Variants in FAT1 observed in about 807,000 individuals in gnomAD.
FAT1 encodes FAT atypical cadherin 1.
FAT1 carries 171 observed loss-of-function variants against 329.8 expected under a neutral mutation model. That is an observed-to-expected ratio of 0.52 (90% CI 0.46 to 0.59). The LOEUF (loss-of-function observed/expected upper bound fraction) is 0.59, where lower values mean the gene tolerates loss of function less well. Among genes scored for constraint, FAT1 ranks in the 20% least tolerant of loss-of-function variants. The pLI is 0.00. For synonymous variants in FAT1, 2,233 were observed against 2,228.6 expected, an observed-to-expected ratio of 1.00 and a Z score of -0.06; for missense variants, 5,672 against 5,774.4, an observed-to-expected ratio of 0.98 and a Z score of 0.57.
rs1740824270 is a variant in FAT1, at chr4:186,636,503, A to G, written c.3972+82T>C. On this transcript the variant is annotated intron_variant, in intron 5 of 26. Coordinates refer to ENST00000441802, the MANE Select transcript of FAT1 (RefSeq NM_005245.4). ...CACTTCAGCCGTTTACAAAATAGAA[A>G]TAAAGTTACTAAAGAAAAAATACAA... The G allele has an allele frequency of 2.1e-6, 3 of 1,395,698 alleles. No individual in the cohort carries two copies. The Admixed American group carries it at 6.8e-5, about 32-fold the overall frequency. The allele number at this position is 1,395,698 out of a possible 1,614,324, so 86.5% of individuals were successfully genotyped here. A position where few individuals can be genotyped will look rare whatever the true frequency, so the allele number is the denominator to read the frequency against.
intron 1 of FAT1, among the ~76,000 whole-genome samples, chr4:186,722,941 C>T (rs897473719): frequency 3.3e-5 from 5 of 152,036 alleles, no homozygotes; most frequent in African/African-American, 1.2e-4. Flanking sequence ...AGTTTACTTT[C>T]CTAACTCATA....
chr4:186,590,309 C>T (rs1006899947), intron 26 of FAT1: 10 of 1,155,804 alleles, frequency 8.7e-6, no homozygotes, highest in Non-Finnish European at 1.2e-5. Flanking sequence ...AGCACTGGGG[C>T]AAGGCTTGAC....
intron 1 of FAT1, among the ~76,000 whole-genome samples, chr4:186,721,037 C>G (rs1433260160): frequency 2.0e-5 from 3 of 152,168 alleles, no homozygotes; most frequent in Non-Finnish European, 4.4e-5. Context: ...TAGATAATGC[C>G]AGATCAGTGT....
At position 186,708,302 on chromosome 4, in the gene FAT1, G is replaced by A. The variant is rs780796862; in HGVS notation, c.1526C>T (p.Pro509Leu). The change falls in exon 2 of 27, where the codon CCG becomes CTG. Residue 509 changes from proline (P) to leucine (L), a missense_variant. Pro to Leu is a moderately conservative substitution (Grantham distance 98). Transcript: ENST00000441802. ...TYSIANLNHV[P>L]FAIDHFTGAV... ...ACCAGTGAAATGGTCAATCGCAAAC[G>A]GCACATGATTTAAATTTGCGATACT... 2.3e-5 allele frequency: 37 copies of A among 1,613,802 alleles called. No homozygotes were observed. Among genetic ancestry groups the A allele is most frequent in the African/African-American group, 5.3e-5 (4 of 74,888 alleles).
Position 186,609,711 on chromosome 4 carries a change from C to A in FAT1, c.10068+90G>T, listed in dbSNP as rs1014571996. On this transcript the variant is annotated intron_variant, in intron 15 of 26. Coordinates refer to ENST00000441802, the MANE Select transcript of FAT1 (RefSeq NM_005245.4). ...AAATCTCCAAAATATTTACAAAGGC[C>A]GCTACAAAAACTAGATTGATTTTAC... is the stretch of plus-strand genomic sequence containing the variant. The A allele has an allele frequency of 3.5e-6, 3 of 853,112 alleles. No individual in the cohort carries two copies. In the African/African-American group the frequency reaches 5.1e-5, roughly 14 times the overall value. 52.8% of individuals were successfully genotyped at this position (853,112 alleles called of 1,614,324 possible).
intron 7 of FAT1, 126 bp downstream of exon 7, chr4:186,633,558 G>T: frequency 1.1e-6 from 1 of 917,294 alleles, no homozygotes; most frequent in Non-Finnish European, 1.7e-6. Flanking sequence ...TAGTGTGCAT[G>T]TGTGTAAACT....
At chr4:186,608,071 T>C (rs1247354406) in intron 16 of FAT1, among the ~76,000 whole-genome samples, 1 of 152,214 alleles carries the variant, frequency 6.6e-6, no homozygotes, top group African/African-American at 2.4e-5. Flanking sequence ...CCTCATAACT[T>C]TTCTTTAATG....
rs2126514012 is a variant in FAT1, at chr4:186,620,270, C to T, written c.6316G>A (p.Val2106Ile). ...VGHVIRYVTAVDRDSGRNGEV... is the reference protein window; with the variant it reads ...VGHVIRYVTAIDRDSGRNGEV... ...CCGTTTCTGCCACTGTCTCTGTCTA[C>T]AGCAGTGACATAGCGAATGACATGG... The change falls in exon 10 of 27, where the codon GTA becomes ATA. Residue 2106 changes from valine to isoleucine, a missense_variant. Coordinates refer to ENST00000441802, the MANE Select transcript of FAT1 (RefSeq NM_005245.4). 1 of 1,614,010 alleles carries T rather than the reference C, an allele frequency of 6.2e-7. No homozygotes were observed. Among genetic ancestry groups the T allele is most frequent in the Non-Finnish European group, 8.5e-7 (1 of 1,179,894 alleles).
chr4:186,604,698 G>A, intron 17 of FAT1, 124 bp from the exon 18 acceptor site: 2 of 599,080 alleles, frequency 3.3e-6, no homozygotes, highest in Non-Finnish European at 5.5e-6. Flanking sequence ...TGCTCTATCT[G>A]AAAGGAAGAG....
rs745311419 is a variant in FAT1 at position 186,596,981 on chromosome 4, C to A, written c.12559G>T (p.Val4187Leu). Reference sequence around the variant, plus strand: ...AGTAAAAATATCCCTGCAACAAACACAACGATTCCAATTCCTTCCGCCAAC... The same window carrying A: ...AGTAAAAATATCCCTGCAACAAACAAAACGATTCCAATTCCTTCCGCCAAC... ...IGLAEGIGIV[V>L]FVAGIFLLVV... Residue 4187 changes from valine to leucine, a missense_variant, in exon 25 of 27, where the codon GTG becomes TTG. Physicochemically the swap from Val to Leu is conservative, Grantham distance 32. This residue lies in a region of FAT1 where 1,706 missense variants were observed against 1,859.1 expected (regional missense o/e 0.92). Coordinates refer to ENST00000441802, the MANE Select transcript of FAT1 (RefSeq NM_005245.4). This position sits in a 1 kb window ranked among gnomAD's most constrained non-coding sequence, Gnocchi z 4.7. The A allele has an allele frequency of 3.7e-6, 6 of 1,613,856 alleles. No homozygotes were observed. The Admixed American group carries it at 1.0e-4, about 27-fold the overall frequency.
intron 3 of FAT1, among the ~76,000 whole-genome samples, chr4:186,656,679 C>G (rs327073): frequency 0.31 from 46,584 of 152,000 alleles, 8,525 homozygotes; most frequent in African/African-American, 0.5. Context: ...GGGTACAACA[C>G]AACAGCACAA....
chr4:186,714,541 T>G (rs1007484290), intron 1 of FAT1, among the ~76,000 whole-genome samples: 2 of 151,692 alleles, frequency 1.3e-5, no homozygotes, highest in African/African-American at 4.8e-5. Context: ...TGAAAGACGG[T>G]ATTTAAAACC....
In FAT1 at chr4:186,628,196, C is replaced by A; in HGVS notation, c.4768G>T (p.Asp1590Tyr). The A allele has an allele frequency of 1.2e-6, 2 of 1,613,926 alleles. No homozygotes were observed. The highest frequency in any genetic ancestry group is 1.7e-6 in the Non-Finnish European group (2 of 1,179,856). ...VVLQVTALDKDKGKNAEVLYS... is the reference protein window; with the variant it reads ...VVLQVTALDKYKGKNAEVLYS... ...AGCACTTCAGCATTTTTCCCTTTGTCCTTGTCCAGAGCCGTCACCTGCAAC... is the reference window on the plus strand; with the variant it reads ...AGCACTTCAGCATTTTTCCCTTTGTACTTGTCCAGAGCCGTCACCTGCAAC... The change falls in exon 9 of 27, where the codon GAC becomes TAC. Residue 1590 changes from aspartate (D) to tyrosine (Y), a missense_variant. This residue lies in a region of FAT1 where 3,966 missense variants were observed against 3,915.2 expected (regional missense o/e 1.01). Coordinates refer to ENST00000441802, the MANE Select transcript of FAT1 (RefSeq NM_005245.4).
At position 186,601,444 on chromosome 4, in the gene FAT1, G is replaced by A. The variant is rs1298809577; in HGVS notation, c.11483-18C>T. The A allele has an allele frequency of 1.9e-6, 3 of 1,592,278 alleles. No individual in the cohort carries two copies. The highest frequency in any genetic ancestry group is 1.7e-4 in the Middle Eastern group (1 of 5,982). On this transcript the variant is annotated intron_variant, in intron 20 of 26. Transcript: ENST00000441802. ...TGAACTCCCTGTGAATCACACAGAG[G>A]AAAAAATAAACCAGAACCAAGTTTA... is the stretch of plus-strand genomic sequence containing the variant.
chr4:186,675,959 T>C (rs1742937857), intron 2 of FAT1, among the ~76,000 whole-genome samples: 1 of 152,154 alleles, frequency 6.6e-6, no homozygotes, highest in South Asian at 2.1e-4. Flanking sequence ...AATGAGTTCC[T>C]ACCACATGCC....
At chr4:186,610,609 A>G (rs1739365377) in intron 14 of FAT1, among the ~76,000 whole-genome samples, 1 of 133,092 alleles carries the variant, frequency 7.5e-6, no homozygotes, top group Non-Finnish European at 1.6e-5. Context: ...ATAAATTTAT[A>G]TAAATTATAT....
chr4:186,653,674 C>T (rs1741772611), intron 3 of FAT1, among the ~76,000 whole-genome samples: 1 of 152,102 alleles, frequency 6.6e-6, no homozygotes, highest in South Asian at 2.1e-4. Context: ...TTTTGTGATA[C>T]ATGAAAAGGG....
intron 2 of FAT1, among the ~76,000 whole-genome samples, chr4:186,697,482 G>A (rs565297050): frequency 6.6e-6 from 1 of 152,246 alleles, no homozygotes; most frequent in South Asian, 2.1e-4. Context: ...ATGCCTCAAT[G>A]GGGAGACAGA....
intron 2 of FAT1, among the ~76,000 whole-genome samples, chr4:186,668,905 CCTGT>C (rs1050018166): frequency 2.6e-5 from 4 of 152,138 alleles, no homozygotes; most frequent in Admixed American, 2.6e-4. Flanking sequence ...AACCTCTATC[CCTGT>C]CTATTTCTCT....
Sources: gnomAD v4.1 joint callset for allele counts (sites outside exome capture counted in the v4.1 genomes callset) on GRCh38, gnomAD v4.1.1 for gene constraint, gnomAD v4.1.1 regional missense constraint, Gnocchi (gnomAD v3.1) non-coding constraint, MANE v1.5 for transcripts, NCBI Gene and HGNC (gene_info 2026-07-23, HGNC 2026-07-21) for gene names.